The following GNAL variants were observed in gnomAD, a reference collection of about 807,000 sequenced individuals.
The protein encoded by GNAL is G protein subunit alpha L.
A neutral mutation model predicts 55.1 loss-of-function variants in GNAL; 18 were observed. The observed-to-expected ratio is 0.33, with a 90% CI of 0.23 to 0.48. The LOEUF (loss-of-function observed/expected upper bound fraction) is 0.48. Ranked by LOEUF, GNAL falls within the 20% of genes least tolerant of loss-of-function variation. GNAL has a pLI of 0.99. For synonymous variants in GNAL, 253 were observed against 237.0 expected (o/e 1.07, Z -0.62); for missense variants, 412 against 614.1 (o/e 0.67, Z 3.48).
chr18:11,816,202 T>C (rs1385174454), intron 4 of GNAL, among the ~76,000 whole-genome samples: 1 of 152,148 alleles, frequency 6.6e-6, no homozygotes, highest in Non-Finnish European at 1.5e-5. Flanking sequence ...AGTCAAAAAC[T>C]GGAAATAACC....
At chr18:11,793,901 T>TC (rs980703279) in intron 4 of GNAL, among the ~76,000 whole-genome samples, 37 of 129,712 alleles carry the variant, frequency 2.9e-4, no homozygotes, top group Admixed American at 4.4e-4. Flanking sequence ...ACAGTGAGAC[T>TC]CCATCTCGGG....
chr18:11,827,240 G>A (rs9962908), intron 5 of GNAL, among the ~76,000 whole-genome samples: 46,434 of 152,072 alleles, frequency 0.31, 8,491 homozygotes, highest in African/African-American at 0.51. Flanking sequence ...TCAGAGGACC[G>A]TAGAAAGGGT....
Position 11,788,928 on chromosome 18 carries a change from T to TATACATATATATAC in GNAL, c.624+34986_624+34987insCATATATATACATA, listed in dbSNP as rs373382357. The stretch of plus-strand genomic sequence containing the variant: ...AAAAAAAAAAAAATATATATATATA[T>TATACATATATATAC]ATATATATACACATATATATCAAAA... On this transcript the variant is annotated intron_variant, in intron 4 of 11. Transcript: ENST00000334049. 6.1e-5 allele frequency among the ~76,000 whole-genome samples: 7 copies of TATACATATATATAC among 114,932 alleles called. 1 individual carries two copies. In the East Asian group the frequency reaches 1.2e-3, roughly 20 times the overall value. The allele number at this position is 114,932 out of a possible 152,430, so 75.4% of individuals were successfully genotyped here. A position where few individuals can be genotyped will look rare whatever the true frequency, so the allele number is the denominator to read the frequency against.
intron 5 of GNAL, among the ~76,000 whole-genome samples, chr18:11,840,602 C>CT (rs1283555002): frequency 6.6e-6 from 1 of 152,308 alleles, no homozygotes; most frequent in East Asian, 1.9e-4. Flanking sequence ...TGAGAAAGCT[C>CT]TTTATCTAGG....
chr18:11,824,687 C>T (rs201273182), intron 4 of GNAL, among the ~76,000 whole-genome samples: 5 of 75,912 alleles, frequency 6.6e-5, no homozygotes, highest in African/African-American at 1.2e-4. Flanking sequence ...GACTGTGTCT[C>T]AAAAAAAAAA....
intron 1 of GNAL, among the ~76,000 whole-genome samples, chr18:11,720,854 A>G (rs1276109590): frequency 6.6e-6 from 1 of 152,256 alleles, no homozygotes; most frequent in East Asian, 1.9e-4. Flanking sequence ...CAGCACAGGA[A>G]GTATGCAAAG....
intron 5 of GNAL, among the ~76,000 whole-genome samples, chr18:11,840,354 G>C (rs986349144): frequency 2.0e-5 from 3 of 152,224 alleles, no homozygotes; most frequent in Admixed American, 1.3e-4. Context: ...CAGGATACAT[G>C]CAGTGACTAA....
At chr18:11,771,841 A>G (rs758096080) in intron 4 of GNAL, among the ~76,000 whole-genome samples, 31 of 152,292 alleles carry the variant, frequency 2.0e-4, no homozygotes, top group Non-Finnish European at 3.5e-4. Context: ...CAGCCACCCC[A>G]GTAGCTGGAA....
chr18:11,694,368 C>G (rs985726305), intron 1 of GNAL, among the ~76,000 whole-genome samples: 1 of 152,212 alleles, frequency 6.6e-6, no homozygotes, highest in African/African-American at 2.4e-5. Flanking sequence ...ATCCTGATGA[C>G]TCAGCTTTCT....
At chr18:11,861,928 ACACT>A (rs971139920) in intron 5 of GNAL, among the ~76,000 whole-genome samples, 2 of 150,566 alleles carry the variant, frequency 1.3e-5, no homozygotes, top group African/African-American at 2.4e-5. Context: ...CTCGCTCTCC[ACACT>A]CAGTCGCTCT....
chr18:11,843,827 G>T (rs978007316), intron 5 of GNAL, among the ~76,000 whole-genome samples: 1 of 151,940 alleles, frequency 6.6e-6, no homozygotes, highest in Non-Finnish European at 1.5e-5. Context: ...TACAAAATTA[G>T]CAGGGCATGG....
intron 4 of GNAL, among the ~76,000 whole-genome samples, chr18:11,780,363 T>C (rs1047275924): frequency 6.7e-6 from 1 of 148,982 alleles, no homozygotes. Context: ...GTTTTTATTA[T>C]GGCTCTTATA....
At chr18:11,720,170 G>C (rs1365501280) in intron 1 of GNAL, among the ~76,000 whole-genome samples, 1 of 152,162 alleles carries the variant, frequency 6.6e-6, no homozygotes, top group Non-Finnish European at 1.5e-5. Flanking sequence ...AGAGTTAGCA[G>C]ACTGTTTCTG....
chr18:11,689,647 G>A lies in GNAL; in HGVS notation c.84G>A (p.Glu28=). 3 of 1,396,276 alleles carry A rather than the reference G, an allele frequency of 2.1e-6. No homozygotes were observed. The highest frequency in any genetic ancestry group is 2.8e-6 in the Non-Finnish European group (3 of 1,082,854). 86.5% of individuals were successfully genotyped at this position (1,396,276 alleles called of 1,614,324 possible). A position where few individuals can be genotyped will look rare whatever the true frequency, so the allele number is the denominator to read the frequency against. ...GCGCGGCCTCGGAGCCGCCGGTGGA[G>A]GACGCGCAGCCCGCCCCGGCCCCGG... ...DPCAASEPPV[E]DAQPAPAPAL... Residue 28 remains glutamate (E), a synonymous_variant, in exon 1 of 12, where the codon GAG becomes GAA. Coordinates refer to ENST00000334049, the MANE Select transcript of GNAL (RefSeq NM_182978.4).
Position 11,883,168 on chromosome 18 carries a change from A to ACTT in GNAL, c.*2034_*2036dup, listed in dbSNP as rs1293488005. On this transcript the variant is annotated 3_prime_UTR_variant, in exon 12 of 12. Transcript: ENST00000334049. Reference sequence around the variant, plus strand: ...GCTACTTTTTCATGAAGAAAGGATAACTTTATAGACAGTCAGTGCAACACA... The same window carrying ACTT: ...GCTACTTTTTCATGAAGAAAGGATAACTTCTTTATAGACAGTCAGTGCAACACA... 1 of 152,182 alleles carries ACTT rather than the reference A, an allele frequency of 6.6e-6. No individual in the cohort carries two copies. The highest frequency in any genetic ancestry group is 1.5e-5 in the Non-Finnish European group (1 of 68,040). The allele number at this position is 152,182 out of a possible 1,614,324, so 9.4% of individuals were successfully genotyped here. A position where few individuals can be genotyped will look rare whatever the true frequency, so the allele number is the denominator to read the frequency against.
chr18:11,827,048 T>A (rs1196084606), intron 5 of GNAL, among the ~76,000 whole-genome samples: 2 of 152,158 alleles, frequency 1.3e-5, no homozygotes, highest in Admixed American at 6.5e-5. Flanking sequence ...CCGGGCCAGA[T>A]GCTGGAGAGA....
In GNAL at chr18:11,689,796, C is replaced by T; in HGVS notation, c.233C>T (p.Thr78Ile). The stretch of plus-strand genomic sequence containing the variant: ...AAGCCGAAGGAGAAGCGGCAGCGCA[C>T]CGAGCAGCTGAGTGCCGAGGAGCGC... ...ADKPKEKRQR[T>I]EQLSAEEREA... The change falls in exon 1 of 12, where the codon ACC becomes ATC. Residue 78 changes from threonine to isoleucine, a missense_variant. By Grantham distance (89) the Thr-to-Ile change is moderately conservative (BLOSUM62 -1). Transcript: ENST00000334049. 6.5e-7 allele frequency: 1 copy of T among 1,537,190 alleles called. No homozygotes were observed. Among genetic ancestry groups the T allele is most frequent in the Non-Finnish European group, 8.7e-7 (1 of 1,145,002 alleles).
intron 4 of GNAL, among the ~76,000 whole-genome samples, chr18:11,756,734 T>C (rs938655444): frequency 6.6e-6 from 1 of 152,166 alleles, no homozygotes; most frequent in Non-Finnish European, 1.5e-5. Flanking sequence ...ATTTTGATGA[T>C]CCTCATTCAG....
intron 1 of GNAL, among the ~76,000 whole-genome samples, chr18:11,717,093 G>A (rs1031079212): frequency 1.2e-4 from 18 of 152,346 alleles, no homozygotes; most frequent in African/African-American, 3.6e-4. Flanking sequence ...CCTGCCACGC[G>A]GGAAGGCAGC....
Sources: allele counts gnomAD v4.1 joint callset (sites outside exome capture counted in the v4.1 genomes callset), GRCh38; gene constraint gnomAD v4.1.1; transcripts MANE v1.5; gene names NCBI Gene and HGNC (gene_info 2026-07-23, HGNC 2026-07-21).